BCAS1: variants seen among roughly 807,000 people sequenced by gnomAD.
The protein encoded by BCAS1 is breast carcinoma-amplified sequence 1.
In BCAS1, 46 loss-of-function variants were observed where a neutral mutation model predicts 65.4. That is an observed-to-expected ratio of 0.70 (90% CI 0.55 to 0.90). BCAS1 has a LOEUF of 0.90. BCAS1 is among the 40% of genes least tolerant of loss of function. The probability of loss-of-function intolerance (pLI) is 0.00; values close to 1 mark genes in which losing one functional copy is unlikely to be tolerated. For missense variants in BCAS1, 793 were observed against 771.2 expected (o/e 1.03, Z -0.33); for synonymous variants, 298 against 293.5 (o/e 1.02, Z -0.16).
At chr20:54,045,159 T>C (rs464145) in intron 3 of BCAS1, among the ~76,000 whole-genome samples, 99,191 of 150,546 alleles carry the variant, frequency 0.66, 32,888 homozygotes, top group East Asian at 0.89. Context: ...CTGCAGTGAG[T>C]GATGATCATG....
At position 54,058,137 on chromosome 20, in the gene BCAS1, C is replaced by A; in HGVS notation, c.90G>T (p.Leu30=). The A allele has an allele frequency of 6.2e-7, 1 of 1,613,968 alleles. No homozygotes were observed. The highest frequency in any genetic ancestry group is 8.5e-7 in the Non-Finnish European group (1 of 1,179,988). Reference sequence around the variant, plus strand: ...TCGACACCACCACTGGAACCCCGTTCAGAGCAGACGCGTTGTCCTGAAACA... The same window carrying A: ...TCGACACCACCACTGGAACCCCGTTAAGAGCAGACGCGTTGTCCTGAAACA... ...AETYQDNASA[L]NGVPVVVSTH... is the part of the protein sequence containing the mutation. The change falls in exon 3 of 13, where the codon CTG becomes CTT. Residue 30 remains leucine (L), a synonymous_variant. Coordinates refer to ENST00000688948, the MANE Select transcript of BCAS1 (RefSeq NM_001366298.2).
chr20:53,960,458 G>T (rs1198647592), intron 10 of BCAS1, among the ~76,000 whole-genome samples: 2 of 81,386 alleles, frequency 2.5e-5, no homozygotes, highest in African/African-American at 9.1e-5. Context: ...CTGCAACAAA[G>T]TTCAACTTCT....
Position 54,018,450 on chromosome 20 carries a change from C to T in BCAS1, c.723+9942G>A, listed in dbSNP as rs374838767. 8.3e-4 allele frequency among the ~76,000 whole-genome samples: 125 copies of T among 149,894 alleles called. No homozygotes were observed. The South Asian group carries it at 0.013, about 15-fold the overall frequency. On this transcript the variant is annotated intron_variant, in intron 4 of 12. Coordinates refer to ENST00000688948, the MANE Select transcript of BCAS1 (RefSeq NM_001366298.2). ...AGAGTCTCGCTCTGTCATTCTCCTG[C>T]CTCAGCCTCCCGAGTGGCTGGGACT... is the stretch of plus-strand genomic sequence containing the variant.
intron 7 of BCAS1, among the ~76,000 whole-genome samples, chr20:53,988,107 G>A (rs4811489): frequency 6.6e-6 from 1 of 152,124 alleles, no homozygotes; most frequent in Admixed American, 6.5e-5. Context: ...CGGCTCCATG[G>A]CCCCACGCTA....
intron 3 of BCAS1, among the ~76,000 whole-genome samples, chr20:54,051,730 TTGTTG>T (rs1459986097): frequency 1.2e-5 from 1 of 81,714 alleles, no homozygotes; most frequent in African/African-American, 6.0e-5. Context: ...TTTTTGTTTG[TTGTTG>T]TTGTTGTTGT....
intron 3 of BCAS1, among the ~76,000 whole-genome samples, chr20:54,054,997 A>G (rs1433497873): frequency 6.6e-6 from 1 of 152,234 alleles, no homozygotes; most frequent in African/African-American, 2.4e-5. Flanking sequence ...CATGCATAAT[A>G]TATAAAAAAC....
intron 7 of BCAS1, among the ~76,000 whole-genome samples, chr20:53,990,679 T>A (rs1364876414): frequency 1.3e-5 from 2 of 152,136 alleles, no homozygotes; most frequent in African/African-American, 2.4e-5. Flanking sequence ...CTTTCCTATC[T>A]TTAGAGACAA....
At chr20:54,033,239 A>G (rs2091837630) in intron 3 of BCAS1, among the ~76,000 whole-genome samples, 2 of 151,116 alleles carry the variant, frequency 1.3e-5, no homozygotes, top group South Asian at 4.2e-4. Flanking sequence ...AACTACAGGA[A>G]CTAGAGAACT....
intron 1 of BCAS1, among the ~76,000 whole-genome samples, chr20:54,066,848 A>G (rs2092450212): frequency 6.6e-6 from 1 of 152,242 alleles, no homozygotes; most frequent in Admixed American, 6.5e-5. Context: ...ATCATCTTCT[A>G]GTAAGTGGGA....
intron 10 of BCAS1, among the ~76,000 whole-genome samples, chr20:53,959,940 T>C (rs1360689049): frequency 2.0e-5 from 3 of 152,162 alleles, no homozygotes; most frequent in Non-Finnish European, 4.4e-5. Context: ...TCCCTCCTCA[T>C]AACCAGCTCT....
At chr20:53,945,090 T>G in intron 12 of BCAS1, 94 bp from the exon 13 acceptor site, 1 of 1,093,146 alleles carries the variant, frequency 9.1e-7, no homozygotes, top group East Asian at 2.4e-5. Context: ...CTGTGCTAGG[T>G]GTTGGGCTAA....
At chr20:54,024,577 G>C (rs1313480880) in intron 4 of BCAS1, among the ~76,000 whole-genome samples, 6 of 152,148 alleles carry the variant, frequency 3.9e-5, no homozygotes, top group Non-Finnish European at 8.8e-5. Context: ...TAAACCTTTG[G>C]GACTGAGGGA....
intron 9 of BCAS1, among the ~76,000 whole-genome samples, chr20:53,968,243 G>A (rs1242374298): frequency 3.3e-5 from 5 of 152,180 alleles, no homozygotes; most frequent in African/African-American, 1.2e-4. Flanking sequence ...TATGAAGCCT[G>A]AAATATTTAC....
chr20:54,060,894 A>G (rs1308294163), intron 1 of BCAS1, among the ~76,000 whole-genome samples: 8 of 152,196 alleles, frequency 5.3e-5, no homozygotes, highest in Non-Finnish European at 8.8e-5. Context: ...TTGTTAGTCA[A>G]TGGAGGGAAT....
At chr20:54,016,227 G>C (rs892942754) in intron 4 of BCAS1, among the ~76,000 whole-genome samples, 3 of 152,068 alleles carry the variant, frequency 2.0e-5, no homozygotes, top group Non-Finnish European at 4.4e-5. Context: ...AGACCTATTG[G>C]ATCATTTCAG....
chr20:54,063,955 G>A (rs2092406007), intron 1 of BCAS1, among the ~76,000 whole-genome samples: 1 of 151,714 alleles, frequency 6.6e-6, no homozygotes, highest in African/African-American at 2.4e-5. Flanking sequence ...TTGTCTTTAT[G>A]ACCTTATTTT....
At chr20:53,968,386 G>C (rs905691425) in intron 9 of BCAS1, among the ~76,000 whole-genome samples, 4 of 152,128 alleles carry the variant, frequency 2.6e-5, no homozygotes, top group Admixed American at 6.5e-5. Flanking sequence ...TTGGTGTCAG[G>C]GGGTAGGGGA....
intron 12 of BCAS1, among the ~76,000 whole-genome samples, chr20:53,950,474 C>A (rs140592428): frequency 4.3e-4 from 65 of 151,548 alleles, no homozygotes; most frequent in African/African-American, 1.4e-3. Context: ...TAGCACACAC[C>A]CCCCCATCCA....
intron 4 of BCAS1, among the ~76,000 whole-genome samples, chr20:54,025,591 C>T (rs1004341206): frequency 1.3e-5 from 2 of 152,148 alleles, no homozygotes; most frequent in Admixed American, 6.5e-5. Flanking sequence ...TCCCAATTCA[C>T]AGCTCTGTGG....
Sources: gnomAD v4.1 joint callset for allele counts (sites outside exome capture counted in the v4.1 genomes callset) on GRCh38, gnomAD v4.1.1 for gene constraint, MANE v1.5 for transcripts, NCBI Gene and HGNC (gene_info 2026-07-23, HGNC 2026-07-21) for gene names.